RPS6KC1: variants seen among roughly 807,000 people sequenced by gnomAD.
RPS6KC1 encodes the protein ribosomal protein S6 kinase C1, also known as inactive ribosomal protein S6 kinase delta-1.
RPS6KC1 carries 54 observed loss-of-function variants against 103.8 expected under a neutral mutation model. The ratio of observed to expected loss-of-function variants is 0.52; its 90% CI spans 0.42 to 0.65. The LOEUF is 0.65. Among genes scored for constraint, RPS6KC1 ranks in the 30% least tolerant of loss-of-function variants. The probability of loss-of-function intolerance (pLI) is 0.00; values close to 1 mark genes in which losing one functional copy is unlikely to be tolerated. For synonymous variants in RPS6KC1, 439 were observed against 438.7 expected (o/e 1.00, Z -0.01); for missense variants, 1,151 against 1,253.8 (o/e 0.92, Z 1.24).
At chr1:213,258,540 C>T (rs1240208976) in intron 12 of RPS6KC1, among the ~76,000 whole-genome samples, 1 of 152,114 alleles carries the variant, frequency 6.6e-6, no homozygotes, top group Non-Finnish European at 1.5e-5. Flanking sequence ...TAGTACAGTG[C>T]CTAATTTGTG....
At chr1:213,149,173 A>T (rs2088278393) in intron 6 of RPS6KC1, among the ~76,000 whole-genome samples, 1 of 150,912 alleles carries the variant, frequency 6.6e-6, no homozygotes, top group Non-Finnish European at 1.5e-5. Flanking sequence ...ATTCATTGCT[A>T]CTCTGATCTT....
At chr1:213,116,273 C>G (rs1450002846) in intron 4 of RPS6KC1, among the ~76,000 whole-genome samples, 2 of 151,410 alleles carry the variant, frequency 1.3e-5, no homozygotes, top group African/African-American at 2.4e-5. Context: ...ATAGTTAGCT[C>G]TTCTTGTTGA....
chr1:213,665,182 A>G, the RPS6KC1 span, among the ~76,000 whole-genome samples: 1 of 148,202 alleles, frequency 6.7e-6, no homozygotes, highest in Non-Finnish European at 1.5e-5. Flanking sequence ...AATAAATAAA[A>G]CTGTGGAAAC....
chr1:213,415,398 CT>C, the RPS6KC1 span, among the ~76,000 whole-genome samples: 13 of 152,212 alleles, frequency 8.5e-5, no homozygotes, highest in African/African-American at 3.1e-4. Context: ...TTCTTCTTTC[CT>C]ACAGCTCCTC....
At chr1:213,180,546 A>C (rs1050622132) in intron 8 of RPS6KC1, among the ~76,000 whole-genome samples, 3 of 152,060 alleles carry the variant, frequency 2.0e-5, no homozygotes, top group African/African-American at 7.3e-5. Context: ...GATCATTGGG[A>C]TGCTATAGAA....
chr1:213,708,804 A>G, the RPS6KC1 span, among the ~76,000 whole-genome samples: 1 of 152,294 alleles, frequency 6.6e-6, no homozygotes, highest in South Asian at 2.1e-4. Context: ...ATCTATTGAG[A>G]TAATCATGTG....
the RPS6KC1 span, among the ~76,000 whole-genome samples, chr1:213,542,012 C>T: frequency 5.9e-5 from 9 of 152,278 alleles, no homozygotes; most frequent in African/African-American, 1.9e-4. Flanking sequence ...TTGTCTTCTT[C>T]CTTTCCACCT....
the RPS6KC1 span, among the ~76,000 whole-genome samples, chr1:213,292,545 C>T: frequency 1.3e-5 from 2 of 152,184 alleles, no homozygotes; most frequent in South Asian, 2.1e-4. Context: ...CCCCTCCTGG[C>T]ATCTTCATAG....
the RPS6KC1 span, among the ~76,000 whole-genome samples, chr1:213,678,071 G>T: frequency 4.6e-5 from 7 of 152,158 alleles, no homozygotes; most frequent in African/African-American, 9.6e-5. Context: ...AATTCCCTCT[G>T]AAGGAGTTTC....
chr1:213,607,738 A>T, the RPS6KC1 span, among the ~76,000 whole-genome samples: 1 of 150,958 alleles, frequency 6.6e-6, no homozygotes, highest in Non-Finnish European at 1.5e-5. Context: ...AAATAAATAA[A>T]AAAGAGGTAG....
the RPS6KC1 span, among the ~76,000 whole-genome samples, chr1:213,790,646 C>T: frequency 3.9e-5 from 6 of 152,192 alleles, no homozygotes; most frequent in Non-Finnish European, 2.9e-5. Context: ...AACGTTTTGC[C>T]GTATCATCCA....
the RPS6KC1 span, among the ~76,000 whole-genome samples, chr1:213,655,012 C>T: frequency 1.3e-5 from 2 of 152,086 alleles, no homozygotes; most frequent in South Asian, 4.1e-4. Flanking sequence ...TGTGATTTGC[C>T]TTTCAAGATC....
At chr1:213,776,946 G>T in the RPS6KC1 span, among the ~76,000 whole-genome samples, 2 of 148,318 alleles carry the variant, frequency 1.3e-5, no homozygotes, top group African/African-American at 2.5e-5. Flanking sequence ...ACCAACCTCT[G>T]CTAGCTTCCG....
At chr1:213,480,302 C>T in the RPS6KC1 span, among the ~76,000 whole-genome samples, 2 of 151,952 alleles carry the variant, frequency 1.3e-5, no homozygotes, top group South Asian at 2.1e-4. Flanking sequence ...TTATGTATTT[C>T]TCCCCCTAAA....
chr1:213,326,900 T>C, the RPS6KC1 span, among the ~76,000 whole-genome samples: 1 of 152,202 alleles, frequency 6.6e-6, no homozygotes, highest in Non-Finnish European at 1.5e-5. Flanking sequence ...TCTATTCTTC[T>C]CTTTGTCAGG....
the RPS6KC1 span, among the ~76,000 whole-genome samples, chr1:213,509,339 C>T: frequency 6.6e-6 from 1 of 151,634 alleles, no homozygotes; most frequent in African/African-American, 2.4e-5. Context: ...GAGAGTTGAT[C>T]CTTTTTTTTT....
At chr1:213,675,711 T>C in the RPS6KC1 span, among the ~76,000 whole-genome samples, 6 of 152,060 alleles carry the variant, frequency 3.9e-5, no homozygotes, top group Non-Finnish European at 7.4e-5. Context: ...ACCCTTTCTC[T>C]ACTAAAAATG....
rs142897899 is a variant in RPS6KC1 at position 213,146,131 on chromosome 1, G to A, written c.835+16242G>A. ...ATATTTAGATCCCACAAATAAGTGAGAACATGCAATGTTTGTCTTTCTGTG... is the reference window on the plus strand; with the variant it reads ...ATATTTAGATCCCACAAATAAGTGAAAACATGCAATGTTTGTCTTTCTGTG... On this transcript the variant is annotated intron_variant, in intron 6 of 14. Transcript: ENST00000366960. Among the ~76,000 whole-genome samples the A allele has an allele frequency of 4.3e-3, 632 of 147,878 alleles. 2 individuals carry two copies. The highest frequency in any genetic ancestry group is 0.015 in the African/African-American group (596 of 40,190).
At chr1:213,173,694 C>T (rs574579836) in intron 7 of RPS6KC1, among the ~76,000 whole-genome samples, 6 of 152,234 alleles carry the variant, frequency 3.9e-5, no homozygotes, top group African/African-American at 1.2e-4. Flanking sequence ...TATGTAGTCC[C>T]GTATTTTTAA....
Sources: gnomAD v4.1 joint callset for allele counts (sites outside exome capture counted in the v4.1 genomes callset) on GRCh38, gnomAD v4.1.1 for gene constraint, MANE v1.5 for transcripts, NCBI Gene and HGNC (gene_info 2026-07-23, HGNC 2026-07-21) for gene names.